CHD1L: variants seen among roughly 807,000 people sequenced by gnomAD.
CHD1L encodes the protein ATP-dependent chromatin remodeler CHD1L.
Under a neutral mutation model 115.9 loss-of-function variants are expected in CHD1L, and 118 were observed. The observed-to-expected ratio is 1.02, with a 90% confidence interval of 0.88 to 1.19. The LOEUF is 1.19. Ranked by LOEUF, CHD1L falls within the 50% of genes most tolerant of loss-of-function variation. The probability of loss-of-function intolerance (pLI) is 0.00; values close to 1 mark genes in which losing one functional copy is unlikely to be tolerated. For missense variants in CHD1L, 1,179 were observed against 1,065.3 expected, an observed-to-expected ratio of 1.11 and a Z score of -1.49; for synonymous variants, 411 against 387.1, an observed-to-expected ratio of 1.06 and a Z score of -0.72.
the CHD1L span, chr1:147,175,932 C>A: frequency 1.6e-5 from 2 of 123,146 alleles, no homozygotes; most frequent in African/African-American, 6.5e-5. Context: ...GAAAACAGAT[C>A]AGTGTTTGCC....
the CHD1L span, among the ~76,000 whole-genome samples, chr1:147,197,065 G>C: frequency 6.6e-6 from 1 of 152,100 alleles, no homozygotes; most frequent in Non-Finnish European, 1.5e-5. Flanking sequence ...TCTCCAACTT[G>C]TACCTTAAAT....
At chr1:147,257,626 G>A (rs1310817599) in intron 5 of CHD1L, among the ~76,000 whole-genome samples, 8 of 152,148 alleles carry the variant, frequency 5.3e-5, no homozygotes, top group Admixed American at 5.2e-4. Context: ...TATATGGGAA[G>A]TCTCAAAAGA....
At chr1:147,273,828 T>C (rs587681420) in intron 12 of CHD1L, among the ~76,000 whole-genome samples, 19 of 152,342 alleles carry the variant, frequency 1.2e-4, no homozygotes, top group African/African-American at 4.6e-4. Flanking sequence ...AGTTTTGTTG[T>C]AGTTTTGCAG....
chr1:147,294,205 G>A (rs374809549), intron 21 of CHD1L, among the ~76,000 whole-genome samples: 1 of 152,060 alleles, frequency 6.6e-6, no homozygotes, highest in South Asian at 2.1e-4. Flanking sequence ...ATTTCCAATT[G>A]TATGTATTTC....
intron 15 of CHD1L, among the ~76,000 whole-genome samples, chr1:147,282,361 C>T (rs953339431): frequency 6.6e-6 from 1 of 152,178 alleles, no homozygotes; most frequent in African/African-American, 2.4e-5. Context: ...TCATGGCACT[C>T]CTGCTCTTTG....
the CHD1L span, chr1:147,178,331 G>A: frequency 8.1e-6 from 13 of 1,612,546 alleles, no homozygotes; most frequent in African/African-American, 1.3e-5. Context: ...GCAGCTACCA[G>A]ATTAAAAGGA....
intron 15 of CHD1L, 131 bp downstream of exon 15, chr1:147,280,322 ACT>A (rs1680342774): frequency 3.5e-6 from 3 of 846,166 alleles, no homozygotes; most frequent in Non-Finnish European, 5.1e-6. Flanking sequence ...ATTTGGGCAC[ACT>A]GTTTAAGACT....
At chr1:147,216,069 T>C in the CHD1L span, 1 of 653,688 alleles carries the variant, frequency 1.5e-6, no homozygotes, top group Non-Finnish European at 2.6e-6. Flanking sequence ...CTTCCAGTAT[T>C]TGTGCCCTTA....
the CHD1L span, among the ~76,000 whole-genome samples, chr1:147,187,949 G>C: frequency 6.6e-6 from 1 of 152,188 alleles, no homozygotes; most frequent in South Asian, 2.1e-4. Context: ...GTAGGACAGA[G>C]AGGAAGAGAA....
At chr1:147,249,433 GTC>G (rs1255601599) in intron 1 of CHD1L, among the ~76,000 whole-genome samples, 5 of 103,708 alleles carry the variant, frequency 4.8e-5, no homozygotes, top group African/African-American at 1.5e-4. Flanking sequence ...TTGAGATAGA[GTC>G]TCTCTCTGTT....
intron 1 of CHD1L, among the ~76,000 whole-genome samples, chr1:147,248,176 T>C (rs894026257): frequency 1.1e-4 from 17 of 151,538 alleles, no homozygotes; most frequent in South Asian, 6.3e-4. Context: ...CAATTTATAA[T>C]TGGGTTATGT....
intron 15 of CHD1L, among the ~76,000 whole-genome samples, chr1:147,283,038 G>A (rs1049495834): frequency 4.6e-5 from 7 of 152,150 alleles, no homozygotes; most frequent in Admixed American, 6.5e-5. Context: ...AGTAACTAAC[G>A]TGGCCCCAAT....
the CHD1L span, among the ~76,000 whole-genome samples, chr1:147,182,207 G>C: frequency 6.6e-6 from 1 of 152,134 alleles, no homozygotes; most frequent in Non-Finnish European, 1.5e-5. Context: ...CTAGTAGCTA[G>C]ATAAGTAACT....
At chr1:147,189,875 T>G in the CHD1L span, among the ~76,000 whole-genome samples, 1 of 152,160 alleles carries the variant, frequency 6.6e-6, no homozygotes, top group Non-Finnish European at 1.5e-5. Flanking sequence ...CAAGTAATCC[T>G]CACAAAAATA....
intron 9 of CHD1L, 110 bp from the exon 10 acceptor site, chr1:147,268,672 G>A (rs1553950310): frequency 2.6e-6 from 2 of 755,318 alleles, no homozygotes; most frequent in African/African-American, 1.8e-5. Flanking sequence ...AGATCATCAT[G>A]CAAACAACTA....
the CHD1L span, chr1:147,215,953 T>G: frequency 2.9e-4 from 468 of 1,591,850 alleles, 1 homozygote; most frequent in Non-Finnish European, 3.8e-4. Context: ...CTGCAATAAA[T>G]AGAAAGTATT....
the CHD1L span, among the ~76,000 whole-genome samples, chr1:147,220,442 C>T: frequency 6.6e-6 from 1 of 152,130 alleles, no homozygotes; most frequent in South Asian, 2.1e-4. Flanking sequence ...CAAGCTAACA[C>T]ATGGATTCTA....
At chr1:147,204,570 A>T in the CHD1L span, 14 of 1,589,682 alleles carry the variant, frequency 8.8e-6, no homozygotes, top group South Asian at 3.3e-5. Flanking sequence ...CTGACAGGCC[A>T]ATCCTCAGAA....
chr1:147,197,755 T>C, the CHD1L span, among the ~76,000 whole-genome samples: 2 of 152,180 alleles, frequency 1.3e-5, no homozygotes, highest in Non-Finnish European at 2.9e-5. Context: ...CAGGCAGTTC[T>C]TTATAGCAGC....
Sources: gnomAD v4.1 joint callset for allele counts (sites outside exome capture counted in the v4.1 genomes callset) on GRCh38, gnomAD v4.1.1 for gene constraint, MANE v1.5 for transcripts, NCBI Gene and HGNC (gene_info 2026-07-23, HGNC 2026-07-21) for gene names.